KDM4C: variants seen among roughly 807,000 people sequenced by gnomAD.
KDM4C encodes the protein lysine demethylase 4C.
Under a neutral mutation model 129.3 loss-of-function variants are expected in KDM4C, and 81 were observed. The ratio of observed to expected loss-of-function variants is 0.63; its 90% CI spans 0.52 to 0.75. KDM4C has a LOEUF of 0.75. Among genes scored for constraint, KDM4C ranks in the 30% least tolerant of loss-of-function variants. The probability of loss-of-function intolerance (pLI) is 0.00; values close to 1 mark genes in which losing one functional copy is unlikely to be tolerated. For missense variants in KDM4C, 1,457 were observed against 1,304.0 expected (o/e 1.12, Z -1.81); for synonymous variants, 573 against 456.1 (o/e 1.26, Z -3.26).
chr9:6,963,875 T>C (rs539003842), intron 8 of KDM4C, among the ~76,000 whole-genome samples: 7 of 152,316 alleles, frequency 4.6e-5, no homozygotes, highest in Non-Finnish European at 7.4e-5. Context: ...AATCCTTCTG[T>C]TTCTTGCTAT....
chr9:6,875,510 C>G (rs1843412687), intron 5 of KDM4C, among the ~76,000 whole-genome samples: 1 of 152,126 alleles, frequency 6.6e-6, no homozygotes, highest in Non-Finnish European at 1.5e-5. Context: ...ATGAAGTAAT[C>G]TTAGAAATGT....
At chr9:7,077,194 G>A in intron 17 of KDM4C, 1 of 985,372 alleles carries the variant, frequency 1.0e-6, no homozygotes, top group African/African-American at 1.7e-5. Context: ...CATGCTGTGG[G>A]AAGAGAGGTC....
At chr9:7,118,977 C>A (rs1313460345) in intron 18 of KDM4C, among the ~76,000 whole-genome samples, 1 of 152,124 alleles carries the variant, frequency 6.6e-6, no homozygotes, top group East Asian at 1.9e-4. Flanking sequence ...AAAGCCCTTC[C>A]CCCTGTGCTC....
At chr9:6,802,294 A>G (rs531645225) in intron 2 of KDM4C, among the ~76,000 whole-genome samples, 2 of 152,312 alleles carry the variant, frequency 1.3e-5, no homozygotes, top group South Asian at 2.1e-4. Context: ...GAACTCTCGT[A>G]TATTGCAGTT....
chr9:6,995,862 G>A (rs925179537), intron 12 of KDM4C, among the ~76,000 whole-genome samples: 2 of 150,308 alleles, frequency 1.3e-5, no homozygotes, highest in Non-Finnish European at 3.0e-5. Flanking sequence ...TGGTAGAGAT[G>A]GGGTTTCACT....
intron 1 of KDM4C, among the ~76,000 whole-genome samples, chr9:6,766,453 G>C (rs1395684833): frequency 6.6e-6 from 1 of 151,888 alleles, no homozygotes; most frequent in African/African-American, 2.4e-5. Flanking sequence ...TAGGACAGTT[G>C]GCCCCCTTTA....
At chr9:6,990,987 T>A (rs1453020773) in intron 12 of KDM4C, among the ~76,000 whole-genome samples, 1 of 152,232 alleles carries the variant, frequency 6.6e-6, no homozygotes, top group African/African-American at 2.4e-5. Flanking sequence ...ACATCCTTTT[T>A]CCTTCACTAG....
chr9:6,886,952 A>G (rs536466753), intron 6 of KDM4C, among the ~76,000 whole-genome samples: 4 of 152,300 alleles, frequency 2.6e-5, no homozygotes, highest in East Asian at 1.9e-4. Flanking sequence ...CTGCATAGAG[A>G]GATCCACAGA....
At chr9:7,130,029 G>A (rs1486247499) in intron 19 of KDM4C, among the ~76,000 whole-genome samples, 2 of 152,176 alleles carry the variant, frequency 1.3e-5, no homozygotes. Context: ...ATAGGAGAAG[G>A]GATATGCAGG....
At chr9:6,958,747 T>C (rs1829539752) in intron 8 of KDM4C, among the ~76,000 whole-genome samples, 3 of 147,434 alleles carry the variant, frequency 2.0e-5, no homozygotes, top group African/African-American at 7.6e-5. Flanking sequence ...TGCAGTGGCA[T>C]GTTCATGGCT....
intron 4 of KDM4C, among the ~76,000 whole-genome samples, chr9:6,827,835 A>C (rs927667328): frequency 3.3e-5 from 5 of 152,232 alleles, no homozygotes; most frequent in Non-Finnish European, 2.9e-5. Flanking sequence ...GCTTCTAGGT[A>C]ATCACAGCTC....
chr9:6,913,671 C>T (rs1025584546), intron 8 of KDM4C, among the ~76,000 whole-genome samples: 1 of 152,194 alleles, frequency 6.6e-6, no homozygotes, highest in Admixed American at 6.5e-5. Flanking sequence ...GCCTTTCCTT[C>T]CTTCTTATCA....
upstream of KDM4C, among the ~76,000 whole-genome samples, chr9:6,756,908 G>C (rs1818326970): frequency 6.6e-6 from 1 of 152,178 alleles, no homozygotes; most frequent in African/African-American, 2.4e-5. Context: ...TCTGTTATCA[G>C]TATAATGTAA....
At chr9:7,100,959 T>G (rs1837013700) in intron 17 of KDM4C, among the ~76,000 whole-genome samples, 1 of 152,190 alleles carries the variant, frequency 6.6e-6, no homozygotes, top group South Asian at 2.1e-4. Context: ...TTTCCCATGG[T>G]CTAGGAATTC....
intron 12 of KDM4C, among the ~76,000 whole-genome samples, chr9:6,997,372 A>G (rs1350975841): frequency 6.6e-6 from 1 of 152,220 alleles, no homozygotes; most frequent in Non-Finnish European, 1.5e-5. Context: ...GAGAAAAAGA[A>G]AAAGTGGAAA....
At chr9:6,840,962 C>T (rs1836812589) in intron 4 of KDM4C, among the ~76,000 whole-genome samples, 2 of 152,158 alleles carry the variant, frequency 1.3e-5, no homozygotes, top group South Asian at 2.1e-4. Context: ...ACCAAGAGCA[C>T]ATCTAAATGT....
intron 16 of KDM4C, among the ~76,000 whole-genome samples, chr9:7,048,516 C>G (rs942076821): frequency 2.6e-5 from 4 of 151,962 alleles, no homozygotes; most frequent in African/African-American, 9.7e-5. Flanking sequence ...AAGTAGGAAA[C>G]TAGGGTATGA....
In KDM4C at chr9:7,157,313, A is replaced by G. The variant is rs186057882; in HGVS notation, c.2782-7925A>G. ...GTCATGTGCAGACAGGGACAATTTG[A>G]CTTCCTCTTTTCCTAATTGAATACC... On this transcript the variant is annotated intron_variant, in intron 19 of 21. Coordinates refer to ENST00000381309, the MANE Select transcript of KDM4C (RefSeq NM_015061.6). Among the ~76,000 whole-genome samples the G allele has an allele frequency of 1.3e-4, 20 of 152,236 alleles. No homozygotes were observed. The South Asian group carries it at 3.9e-3, about 30-fold the overall frequency.
At chr9:6,976,411 A>C (rs547173733) in intron 8 of KDM4C, among the ~76,000 whole-genome samples, 5 of 152,312 alleles carry the variant, frequency 3.3e-5, no homozygotes, top group Admixed American at 2.0e-4. Flanking sequence ...GAGATATAGA[A>C]TGTCTTCCAT....
Sources: gnomAD v4.1 joint callset for allele counts (sites outside exome capture counted in the v4.1 genomes callset) on GRCh38, gnomAD v4.1.1 for gene constraint, MANE v1.5 for transcripts, NCBI Gene and HGNC (gene_info 2026-07-23, HGNC 2026-07-21) for gene names.